Variants in DPP9 observed in about 807,000 individuals in gnomAD.
DPP9 encodes the protein dipeptidyl peptidase IV-related protein-2.
A neutral mutation model predicts 110.7 loss-of-function variants in DPP9; 50 were observed. That is an observed-to-expected ratio of 0.45 (90% CI 0.36 to 0.57). The LOEUF is 0.57. Among genes scored for constraint, DPP9 ranks in the 20% least tolerant of loss-of-function variants. The pLI is 0.00. For missense variants in DPP9, 1,022 were observed against 1,217.9 expected, an observed-to-expected ratio of 0.84 and a Z score of 2.39; for synonymous variants, 561 against 514.4, an observed-to-expected ratio of 1.09 and a Z score of -1.23.
chr19:4,683,459 G>C lies in DPP9; in HGVS notation c.2331+18C>G, dbSNP rs774437288. ...GCAGGGAGGGGCGTGGCTGAGGCCG[G>C]CCAGGGGTGGGACCCACCTTGAACA... On this transcript the variant is annotated intron_variant, in intron 19 of 21. Transcript: ENST00000262960. 1 of 1,612,368 alleles carries C rather than the reference G, an allele frequency of 6.2e-7. No homozygotes were observed. The highest frequency in any genetic ancestry group is 2.2e-5 in the East Asian group (1 of 44,874).
chr19:4,706,971 C>T (rs1303112770), intron 4 of DPP9, among the ~76,000 whole-genome samples: 1 of 152,204 alleles, frequency 6.6e-6, no homozygotes, highest in Non-Finnish European at 1.5e-5. Flanking sequence ...ATGCCAGGGG[C>T]ACCCCACAGT....
Position 4,710,196 on chromosome 19 carries a change from G to A in DPP9, c.313+3885C>T, listed in dbSNP as rs1351137853. On this transcript the variant is annotated intron_variant, in intron 4 of 21. Transcript: ENST00000262960. The surrounding 1 kb of genome is among the most constrained non-coding windows in gnomAD (Gnocchi z 5.6). ...CAGGCCTGCGCAAACACCATTTCCC[G>A]TCACTGCACGCTGTGGCCTCGAGTG... is the stretch of plus-strand genomic sequence containing the variant. 6.6e-6 allele frequency among the ~76,000 whole-genome samples: 1 copy of A among 152,186 alleles called. No individual in the cohort carries two copies. Among genetic ancestry groups the A allele is most frequent in the Non-Finnish European group, 1.5e-5 (1 of 68,030 alleles).
intron 19 of DPP9, 183 bp downstream of exon 19, chr19:4,683,294 A>C: frequency 7.0e-7 from 1 of 1,436,356 alleles, no homozygotes; most frequent in Non-Finnish European, 9.1e-7. Context: ...GTGGCGGGCA[A>C]TGAGGAGGGG....
intron 3 of DPP9, chr19:4,719,607 C>CCCACA: frequency 1.7e-6 from 1 of 574,620 alleles, no homozygotes; most frequent in Non-Finnish European, 3.1e-6. Flanking sequence ...TGCTCAGCAC[C>CCCACA]GTGAAGTGCC....
chr19:4,707,929 G>A (rs2092666455), intron 4 of DPP9, among the ~76,000 whole-genome samples: 1 of 152,006 alleles, frequency 6.6e-6, no homozygotes, highest in African/African-American at 2.4e-5. Context: ...CCCGGCCCTT[G>A]CTTGCTTTTA....
At position 4,698,690 on chromosome 19, in the gene DPP9, C is replaced by A. The variant is rs1264674997; in HGVS notation, c.1075-1039G>T. ...CCTTGAGCCTGGGAAGTTGAGGCTG[C>A]AGTGGGTCATGATTGCACCAGTGTA... On this transcript the variant is annotated intron_variant, in intron 10 of 21. Transcript: ENST00000262960. This position sits in a 1 kb window ranked among gnomAD's most constrained non-coding sequence, Gnocchi z 4.2. 1.3e-5 allele frequency among the ~76,000 whole-genome samples: 2 copies of A among 151,924 alleles called. No homozygotes were observed. Among genetic ancestry groups the A allele is most frequent in the Non-Finnish European group, 2.9e-5 (2 of 67,986 alleles).
At chr19:4,690,729 C>A in intron 14 of DPP9, 149 bp downstream of exon 14, 2 of 684,034 alleles carry the variant, frequency 2.9e-6, no homozygotes, top group Non-Finnish European at 5.1e-6. Flanking sequence ...AAAGCAGGGT[C>A]CTCACAGGTG....
At chr19:4,713,950 G>C (rs1211620286) in intron 4 of DPP9, 131 bp downstream of exon 4, 1 of 1,363,706 alleles carries the variant, frequency 7.3e-7, no homozygotes, top group African/African-American at 1.5e-5. Context: ...AGCCTCGAAG[G>C]ACAGCATGCC....
intron 20 of DPP9, among the ~76,000 whole-genome samples, chr19:4,680,674 A>G (rs1307448717): frequency 6.7e-6 from 1 of 149,982 alleles, no homozygotes; most frequent in Non-Finnish European, 1.5e-5. Flanking sequence ...AAAAAAAAAA[A>G]TGCTGAGCAT....
Position 4,700,321 on chromosome 19 carries a change from G to A in DPP9, c.1013-44C>T, listed in dbSNP as rs146179725. 21 of 1,547,360 alleles carry A rather than the reference G, an allele frequency of 1.4e-5. No individual in the cohort carries two copies. In the Middle Eastern group the frequency reaches 8.9e-4, roughly 65 times the overall value. ...GGTGAACACCAGGCAGGCATCACCC[G>A]TGTGTGCCGAGAGCCGGCACGGGGG... On this transcript the variant is annotated intron_variant, in intron 9 of 21. Transcript: ENST00000262960. This position sits in a 1 kb window ranked among gnomAD's most constrained non-coding sequence, Gnocchi z 4.3.
intron 2 of DPP9, among the ~76,000 whole-genome samples, chr19:4,720,838 C>A (rs1330817441): frequency 2.0e-5 from 3 of 152,178 alleles, no homozygotes; most frequent in African/African-American, 4.8e-5. Flanking sequence ...GAGTTCAACG[C>A]CTACGCTCAT....
At chr19:4,713,883 G>GA (rs2092951829) in intron 4 of DPP9, among the ~76,000 whole-genome samples, 198 bp downstream of exon 4, 1 of 152,066 alleles carries the variant, frequency 6.6e-6, no homozygotes, top group Non-Finnish European at 1.5e-5. Flanking sequence ...ACCCTCCGGG[G>GA]GCCGCCCCAC....
chr19:4,691,825 C>T lies in DPP9; in HGVS notation c.1517-868G>A, dbSNP rs749559656. ...CCCGAGTAACTGGGATTACAGGCACCTGCCACCATGCCCGGCTGGATTTTG... is the reference window on the plus strand; with the variant it reads ...CCCGAGTAACTGGGATTACAGGCACTTGCCACCATGCCCGGCTGGATTTTG... On this transcript the variant is annotated intron_variant, in intron 13 of 21. Transcript: ENST00000262960. Among the ~76,000 whole-genome samples, 48 of 150,902 alleles carry T rather than the reference C, an allele frequency of 3.2e-4. 1 individual carries two copies. Among genetic ancestry groups the T allele is most frequent in the Non-Finnish European group, 6.2e-4 (42 of 67,300 alleles).
chr19:4,717,216 C>T (rs1350358506), intron 3 of DPP9, among the ~76,000 whole-genome samples: 1 of 152,224 alleles, frequency 6.6e-6, no homozygotes, highest in Non-Finnish European at 1.5e-5. Context: ...GAAATAAAGA[C>T]ACGAACCAAA....
Position 4,690,897 on chromosome 19 carries a change from A to G in DPP9, c.1577T>C (p.Leu526Ser). 1 of 1,613,058 alleles carries G rather than the reference A, an allele frequency of 6.2e-7. No homozygotes were observed. The highest frequency in any genetic ancestry group is 1.1e-5 in the South Asian group (1 of 90,796). Residue 526 changes from leucine (L) to serine (S), a missense_variant, in exon 14 of 22, where the codon TTG (leucine) becomes TCG (serine). By Grantham distance (145) the Leu-to-Ser change is moderately radical. Around this residue, in one of 3 missense-constraint regions of DPP9, gnomAD observed 810 missense variants for 920.6 expected, o/e 0.88. Coordinates refer to ENST00000262960, the MANE Select transcript of DPP9 (RefSeq NM_139159.5). ...TGGTACCTTGGAGCCGTGCCTCGCC[A>G]AAACCTCCCATTCACCGCTGGTCAG... ...IALTSGEWEV[L>S]ARHGSKIWVN...
rs994273178 is a variant in DPP9 at position 4,682,360 on chromosome 19, G to C, written c.2474+336C>G. Reference sequence around the variant, plus strand: ...GACAGAGGCTGTGATGGGGCCTCCAGCAGGATGCAGGGGAGTGGGGGAGGC... The same window carrying C: ...GACAGAGGCTGTGATGGGGCCTCCACCAGGATGCAGGGGAGTGGGGGAGGC... On this transcript the variant is annotated intron_variant, in intron 20 of 21. Coordinates refer to ENST00000262960, the MANE Select transcript of DPP9 (RefSeq NM_139159.5). This position sits in a 1 kb window ranked among gnomAD's most constrained non-coding sequence, Gnocchi z 7.1. Among the ~76,000 whole-genome samples, 1 of 152,214 alleles carries C rather than the reference G, an allele frequency of 6.6e-6. No homozygotes were observed. The highest frequency in any genetic ancestry group is 2.4e-5 in the African/African-American group (1 of 41,458).
At chr19:4,705,993 C>A (rs1201907966) in intron 4 of DPP9, 23 bp from the exon 5 acceptor site, 1 of 1,603,992 alleles carries the variant, frequency 6.2e-7, no homozygotes, top group Admixed American at 1.7e-5. Flanking sequence ...AGGAAACACC[C>A]AGAACGGGTA....
chr19:4,683,660 GCCT>G (rs1290646541), intron 18 of DPP9, 31 bp from the exon 19 acceptor site: 1 of 1,613,098 alleles, frequency 6.2e-7, no homozygotes, highest in South Asian at 1.1e-5. Context: ...CCTCTCAGTG[GCCT>G]CCTCCCGGTA....
chr19:4,713,884 G>T (rs984184273), intron 4 of DPP9, among the ~76,000 whole-genome samples, 197 bp downstream of exon 4: 5 of 152,036 alleles, frequency 3.3e-5, no homozygotes, highest in Non-Finnish European at 5.9e-5. Context: ...CCCTCCGGGG[G>T]CCGCCCCACC....
Sources: allele counts gnomAD v4.1 joint callset (sites outside exome capture counted in the v4.1 genomes callset), GRCh38; gene constraint gnomAD v4.1.1; regional missense constraint gnomAD v4.1.1; non-coding constraint Gnocchi (gnomAD v3.1); transcripts MANE v1.5; gene names NCBI Gene and HGNC (gene_info 2026-07-23, HGNC 2026-07-21).